CPLX2: variants seen among roughly 807,000 people sequenced by gnomAD.
CPLX2 encodes the protein complexin-2.
Under a neutral mutation model 16.3 loss-of-function variants are expected in CPLX2, and 5 were observed. The ratio of observed to expected loss-of-function variants is 0.31; its 90% CI spans 0.16 to 0.64. CPLX2 has a LOEUF of 0.64. Ranked by LOEUF, CPLX2 falls within the 30% of genes least tolerant of loss-of-function variation. The pLI is 0.79. For synonymous variants in CPLX2, 89 were observed against 73.2 expected (o/e 1.22, Z -1.10); for missense variants, 144 against 181.4 (o/e 0.79, Z 1.18).
intron 2 of CPLX2, among the ~76,000 whole-genome samples, chr5:175,866,055 G>A (rs187771032): frequency 6.6e-6 from 1 of 152,338 alleles, no homozygotes; most frequent in Non-Finnish European, 1.5e-5. Context: ...TGTAAAAATT[G>A]TCTTTCTGAG....
intron 2 of CPLX2, among the ~76,000 whole-genome samples, chr5:175,811,789 T>C (rs1239697800): frequency 1.3e-5 from 2 of 152,230 alleles, no homozygotes; most frequent in Non-Finnish European, 2.9e-5. Context: ...ACTGAAGAGC[T>C]GGATAGCAGT....
At chr5:175,861,234 T>C (rs1759366080) in intron 2 of CPLX2, among the ~76,000 whole-genome samples, 1 of 152,172 alleles carries the variant, frequency 6.6e-6, no homozygotes, top group African/African-American at 2.4e-5. Flanking sequence ...AAAAAAGCCT[T>C]GGGCTTGATG....
intron 2 of CPLX2, among the ~76,000 whole-genome samples, chr5:175,833,822 C>T (rs538275346): frequency 1.3e-5 from 2 of 152,168 alleles, no homozygotes; most frequent in African/African-American, 2.4e-5. Context: ...TTGCCCAGAC[C>T]GCAGGCTCGG....
chr5:175,799,556 A>ATT lies in CPLX2; in HGVS notation c.-169+2773_-169+2774insTT, dbSNP rs1353977492. On this transcript the variant is annotated intron_variant, in intron 1 of 4. Coordinates refer to the CPLX2 transcript ENST00000359546. ...GCAAATTTCATATATATATATATAT[A>ATT]TATATATATATATATATATAGTAAT... is the stretch of plus-strand genomic sequence containing the variant. Among the ~76,000 whole-genome samples the ATT allele has an allele frequency of 1.6e-4, 22 of 138,094 alleles. 1 individual carries two copies. Among genetic ancestry groups the ATT allele is most frequent in the Admixed American group, 3.6e-4 (5 of 14,028 alleles). 90.6% of individuals were successfully genotyped at this position (138,094 alleles called of 152,430 possible). A position where few individuals can be genotyped will look rare whatever the true frequency, so the allele number is the denominator to read the frequency against.
At chr5:175,820,077 G>A (rs1758478147) in intron 2 of CPLX2, among the ~76,000 whole-genome samples, 1 of 152,210 alleles carries the variant, frequency 6.6e-6, no homozygotes, top group African/African-American at 2.4e-5. Flanking sequence ...TCCCCAGCCT[G>A]AGACTGTGTT....
At chr5:175,834,597 G>C (rs1758791217) in intron 2 of CPLX2, among the ~76,000 whole-genome samples, 3 of 152,300 alleles carry the variant, frequency 2.0e-5, no homozygotes, top group Admixed American at 6.5e-5. Context: ...GTGGAGCTGG[G>C]TGTGGTGGCT....
At chr5:175,860,497 GAAAAGAAAGAAAGAAAGAAAAA>G (rs1759344228) in intron 2 of CPLX2, among the ~76,000 whole-genome samples, 1 of 54,634 alleles carries the variant, frequency 1.8e-5, no homozygotes, top group African/African-American at 8.2e-5. Context: ...AAGAAAGAAA[GAAAAGAAAGAAAGAAAGAAAAA>G]GAAAGAAAGA....
intron 2 of CPLX2, among the ~76,000 whole-genome samples, chr5:175,842,554 C>T (rs965112347): frequency 6.6e-5 from 10 of 152,216 alleles, no homozygotes; most frequent in African/African-American, 2.2e-4. Context: ...CACATGGTAC[C>T]GTGGTGACCC....
chr5:175,854,889 C>T (rs1759224050), intron 2 of CPLX2, among the ~76,000 whole-genome samples: 1 of 152,190 alleles, frequency 6.6e-6, no homozygotes, highest in Admixed American at 6.5e-5. Context: ...CCGCCATGGG[C>T]CAGGCGCTGT....
At chr5:175,841,432 A>C (rs1441076906) in intron 2 of CPLX2, among the ~76,000 whole-genome samples, 2 of 152,238 alleles carry the variant, frequency 1.3e-5, no homozygotes, top group African/African-American at 4.8e-5. Flanking sequence ...CATTACACAC[A>C]GGAGAAGTGC....
At position 175,849,718 on chromosome 5, in the gene CPLX2, C is replaced by T. The variant is rs1157661305; in HGVS notation, c.-88-28934C>T. ...TGGAGCTGGACTCACCTGAGCCTCT[C>T]GGTGTTATAGCTCCCCTGCTGCGTG... is the stretch of plus-strand genomic sequence containing the variant. On this transcript the variant is annotated intron_variant, in intron 2 of 4. Transcript: ENST00000359546. This position sits in a 1 kb window ranked among gnomAD's most constrained non-coding sequence, Gnocchi z 4.4. Among the ~76,000 whole-genome samples the T allele has an allele frequency of 6.6e-6, 1 of 152,084 alleles. No homozygotes were observed. Among genetic ancestry groups the T allele is most frequent in the African/African-American group, 2.4e-5 (1 of 41,406 alleles).
At chr5:175,876,076 G>C (rs1051200651) in intron 1 of CPLX2, among the ~76,000 whole-genome samples, 8 of 152,132 alleles carry the variant, frequency 5.3e-5, no homozygotes, top group African/African-American at 1.7e-4. Flanking sequence ...GTATCCAGGA[G>C]AAGGTAAATG....
At position 175,872,572 on chromosome 5, in the gene CPLX2, C is replaced by T. The variant is rs930261389; in HGVS notation, c.-89+867C>T. On this transcript the variant is annotated intron_variant, in intron 1 of 3. Transcript: ENST00000393745. This position sits in a 1 kb window ranked among gnomAD's most constrained non-coding sequence, Gnocchi z 5.0. ...GGCGCCGGGGTTCCTGTCCTCTCTT[C>T]TGGCCGGGAAACGGGAACCCCCGGC... Among the ~76,000 whole-genome samples, 1 of 152,110 alleles carries T rather than the reference C, an allele frequency of 6.6e-6. No individual in the cohort carries two copies. The highest frequency in any genetic ancestry group is 2.4e-5 in the African/African-American group (1 of 41,432).
At chr5:175,844,848 G>A (rs756629529) in intron 2 of CPLX2, among the ~76,000 whole-genome samples, 7 of 152,372 alleles carry the variant, frequency 4.6e-5, no homozygotes, top group South Asian at 2.1e-4. Context: ...CAAACAGCAC[G>A]TTTGTAAACT....
At chr5:175,858,401 T>C (rs1037683524) in intron 2 of CPLX2, among the ~76,000 whole-genome samples, 6 of 152,196 alleles carry the variant, frequency 3.9e-5, no homozygotes, top group Non-Finnish European at 8.8e-5. Context: ...TGAGCAGAAA[T>C]GTGGCTATTG....
chr5:175,829,608 G>A (rs1470218477), intron 2 of CPLX2, among the ~76,000 whole-genome samples: 1 of 152,138 alleles, frequency 6.6e-6, no homozygotes, highest in African/African-American at 2.4e-5. Flanking sequence ...CTAAGTCTCT[G>A]CACCCCTATA....
chr5:175,855,669 G>A (rs892661562), intron 2 of CPLX2, among the ~76,000 whole-genome samples: 1 of 152,088 alleles, frequency 6.6e-6, no homozygotes, highest in African/African-American at 2.4e-5. Flanking sequence ...TGCTTTCCCA[G>A]CTCAGTAAGT....
Position 175,882,430 on chromosome 5 carries a change from CAG to C in CPLX2, c.*2390_*2391del, listed in dbSNP as rs954391389. Reference sequence around the variant, plus strand: ...AAACCTCGACAGTGATGCAAGGACACAGAGAGTACCAGATAGGTAGCAGAGAC... The same window carrying C: ...AAACCTCGACAGTGATGCAAGGACACAGAGTACCAGATAGGTAGCAGAGAC... On this transcript the variant is annotated 3_prime_UTR_variant, in exon 4 of 4. Transcript: ENST00000393745. 6.5e-6 allele frequency: 1 copy of C among 152,702 alleles called. No homozygotes were observed. The highest frequency in any genetic ancestry group is 1.9e-4 in the East Asian group (1 of 5,182). 9.5% of individuals were successfully genotyped at this position (152,702 alleles called of 1,614,324 possible).
chr5:175,859,853 G>A (rs908724471), intron 2 of CPLX2, among the ~76,000 whole-genome samples: 2 of 152,200 alleles, frequency 1.3e-5, no homozygotes, highest in Admixed American at 6.5e-5. Context: ...GGGCTTCCCA[G>A]GATTTGGACC....
Sources: gnomAD v4.1 joint callset for allele counts (sites outside exome capture counted in the v4.1 genomes callset) on GRCh38, gnomAD v4.1.1 for gene constraint, Gnocchi (gnomAD v3.1) non-coding constraint, MANE v1.5 for transcripts, NCBI Gene and HGNC (gene_info 2026-07-23, HGNC 2026-07-21) for gene names.